The following ARHGAP31 variants were observed in gnomAD, a reference collection of about 807,000 sequenced individuals.
ARHGAP31 encodes the protein rho GTPase-activating protein 31.
Under a neutral mutation model 113.9 loss-of-function variants are expected in ARHGAP31, and 34 were observed. That is an observed-to-expected ratio of 0.30 (90% confidence interval 0.23 to 0.40). The LOEUF is 0.40. Ranked by LOEUF, ARHGAP31 falls within the 10% of genes least tolerant of loss-of-function variation. ARHGAP31 has a pLI of 1.00. For missense variants in ARHGAP31, 1,548 were observed against 1,767.1 expected, an observed-to-expected ratio of 0.88 and a Z score of 2.22; for synonymous variants, 650 against 684.8, an observed-to-expected ratio of 0.95 and a Z score of 0.79.
At chr3:119,327,863 C>G (rs1356982206) in intron 1 of ARHGAP31, among the ~76,000 whole-genome samples, 5 of 152,190 alleles carry the variant, frequency 3.3e-5, no homozygotes, top group Non-Finnish European at 4.4e-5. Context: ...ATGCATATTA[C>G]TTTTGGTGTT....
Position 119,381,911 on chromosome 3 carries a change from G to A in ARHGAP31, c.432-381G>A, listed in dbSNP as rs73624159. On this transcript the variant is annotated intron_variant, in intron 4 of 11. Transcript: ENST00000264245. ...TGAGGCCAGAGAATGGCGTGAACCCGGGAGGCGGAGCTTGCAGTGAGCTGA... is the reference window on the plus strand; with the variant it reads ...TGAGGCCAGAGAATGGCGTGAACCCAGGAGGCGGAGCTTGCAGTGAGCTGA... Among the ~76,000 whole-genome samples the A allele has an allele frequency of 2.1e-3, 320 of 151,676 alleles. 3 individuals carry two copies. The highest frequency in any genetic ancestry group is 6.8e-3 in the Middle Eastern group (2 of 294).
Position 119,409,512 on chromosome 3 carries a change from G to A in ARHGAP31, c.1662G>A (p.Lys554=). The change falls in exon 11 of 12, where the codon AAG becomes AAA. Residue 554 remains lysine, a synonymous_variant. Transcript: ENST00000264245. ...AETSAASVPK[K]AGLEDAKAVP... ...TCACTGCAGCTTCTGTACCTAAGAAGGCAGGTCTTGAGGATGCCAAGGCAG... is the reference window on the plus strand; with the variant it reads ...TCACTGCAGCTTCTGTACCTAAGAAAGCAGGTCTTGAGGATGCCAAGGCAG... 1.2e-6 allele frequency: 2 copies of A among 1,614,212 alleles called. No individual in the cohort carries two copies. The highest frequency in any genetic ancestry group is 1.7e-6 in the Non-Finnish European group (2 of 1,180,046).
At chr3:119,413,705 C>A in intron 11 of ARHGAP31, 151 bp from the exon 12 acceptor site, 1 of 1,051,498 alleles carries the variant, frequency 9.5e-7, no homozygotes, top group South Asian at 1.4e-5. Context: ...GGTGAGCACT[C>A]AAATAGCCAC....
intron 1 of ARHGAP31, among the ~76,000 whole-genome samples, chr3:119,361,374 C>CT (rs555396093): frequency 0.17 from 22,372 of 132,316 alleles, 2,135 homozygotes; most frequent in African/African-American, 0.25. Flanking sequence ...TTCAACATTC[C>CT]TTTTTTTTTT....
intron 6 of ARHGAP31, among the ~76,000 whole-genome samples, chr3:119,388,789 A>G (rs2080477303): frequency 6.6e-6 from 1 of 152,182 alleles, no homozygotes; most frequent in South Asian, 2.1e-4. Flanking sequence ...GACACAAAGA[A>G]GATGAGAGGA....
chr3:119,296,241 G>A (rs1311230846), intron 1 of ARHGAP31, among the ~76,000 whole-genome samples: 1 of 152,220 alleles, frequency 6.6e-6, no homozygotes, highest in African/African-American at 2.4e-5. Context: ...AGTTCAGTCT[G>A]CTGTGTCATT....
rs750904901 is a variant in ARHGAP31, at chr3:119,409,788, T to G, written c.1926+12T>G. ...TTCTCCATGAGATGGTAAAGTGCAT[T>G]CTCCACCTGCTCCAGCCAGGTGGAG... On this transcript the variant is annotated intron_variant, in intron 11 of 11. Coordinates refer to ENST00000264245, the MANE Select transcript of ARHGAP31 (RefSeq NM_020754.4). 1.9e-6 allele frequency: 3 copies of G among 1,588,688 alleles called. No individual in the cohort carries two copies. The highest frequency in any genetic ancestry group is 1.3e-5 in the African/African-American group (1 of 74,356).
intron 3 of ARHGAP31, among the ~76,000 whole-genome samples, chr3:119,373,845 A>G (rs924162654): frequency 1.3e-5 from 2 of 152,228 alleles, no homozygotes; most frequent in Non-Finnish European, 2.9e-5. Flanking sequence ...TACTATCAAG[A>G]ATACTCAAAT....
chr3:119,372,432 C>T (rs919578708), intron 3 of ARHGAP31, among the ~76,000 whole-genome samples: 6 of 151,884 alleles, frequency 4.0e-5, no homozygotes, highest in African/African-American at 1.5e-4. Flanking sequence ...TACAGGCGCT[C>T]GCCACCACGC....
In ARHGAP31 at chr3:119,408,795, G is replaced by A. The variant is rs115698847; in HGVS notation, c.1646-701G>A. On this transcript the variant is annotated intron_variant, in intron 10 of 11. Coordinates refer to ENST00000264245, the MANE Select transcript of ARHGAP31 (RefSeq NM_020754.4). ...CTTTCCTTCATGCAAAGCAATAGAG[G>A]CCAAACTTGAGATCTGCCTGCTTCT... Among the ~76,000 whole-genome samples, 472 of 152,256 alleles carry A rather than the reference G, an allele frequency of 3.1e-3. 2 individuals carry two copies. Among genetic ancestry groups the A allele is most frequent in the African/African-American group, 0.01 (430 of 41,530 alleles).
Position 119,400,453 on chromosome 3 carries a change from C to CAA in ARHGAP31, c.1069+1201_1069+1202dup, listed in dbSNP as rs199549303. ...TGCGCCACTGCACTCCAGCCTGTCT[C>CAA]AAAAAAAAAATAATAATAATTCTAA... On this transcript the variant is annotated intron_variant, in intron 9 of 11. Coordinates refer to ENST00000264245, the MANE Select transcript of ARHGAP31 (RefSeq NM_020754.4). Among the ~76,000 whole-genome samples, 396 of 147,668 alleles carry CAA rather than the reference C, an allele frequency of 2.7e-3. 1 individual carries two copies. The highest frequency in any genetic ancestry group is 9.7e-3 in the African/African-American group (387 of 40,074).
At chr3:119,318,658 T>A (rs2079755270) in intron 1 of ARHGAP31, among the ~76,000 whole-genome samples, 1 of 152,220 alleles carries the variant, frequency 6.6e-6, no homozygotes, top group Non-Finnish European at 1.5e-5. Context: ...ACTTACTTAC[T>A]TTACCTAGAC....
At chr3:119,300,974 A>AG (rs1431598890) in intron 1 of ARHGAP31, among the ~76,000 whole-genome samples, 6 of 152,146 alleles carry the variant, frequency 3.9e-5, no homozygotes, top group African/African-American at 1.4e-4. Flanking sequence ...TTAAGTTTAG[A>AG]GGGGCATCTC....
At chr3:119,299,941 C>CA (rs2079565914) in intron 1 of ARHGAP31, among the ~76,000 whole-genome samples, 1 of 152,214 alleles carries the variant, frequency 6.6e-6, no homozygotes, top group Admixed American at 6.5e-5. Context: ...TCCTTTCCAG[C>CA]AGCTTGCCTG....
rs373642243 is a variant in ARHGAP31 at position 119,415,467 on chromosome 3, C to T, written c.3538C>T (p.Pro1180Ser). 6.8e-6 allele frequency: 11 copies of T among 1,613,976 alleles called. No homozygotes were observed. Among genetic ancestry groups the T allele is most frequent in the Non-Finnish European group, 6.8e-6 (8 of 1,180,032 alleles). ...ACTGACAGGCCGCCGTAACTCAGCT[C>T]CTGTGAGTGTGTCAGCTGTGAGAAC... ...HALTGRRNSA[P>S]VSVSAVRTSF... The change falls in exon 12 of 12, where the codon CCT (proline) becomes TCT (serine). Residue 1180 changes from proline to serine, a missense_variant. Coordinates refer to ENST00000264245, the MANE Select transcript of ARHGAP31 (RefSeq NM_020754.4).
chr3:119,384,463 A>AT (rs1312211528), intron 6 of ARHGAP31, among the ~76,000 whole-genome samples: 1 of 152,186 alleles, frequency 6.6e-6, no homozygotes, highest in African/African-American at 2.4e-5. Context: ...ATGAAAGGGA[A>AT]TTTATTTCTC....
chr3:119,347,701 G>A (rs761950308), intron 1 of ARHGAP31, among the ~76,000 whole-genome samples: 7 of 152,120 alleles, frequency 4.6e-5, no homozygotes, highest in Non-Finnish European at 8.8e-5. Context: ...ATATATCTCT[G>A]ACACCTTCTG....
chr3:119,374,655 G>T (rs1198176205), intron 3 of ARHGAP31, among the ~76,000 whole-genome samples: 1 of 152,064 alleles, frequency 6.6e-6, no homozygotes, highest in Non-Finnish European at 1.5e-5. Context: ...GTGTGTGGCG[G>T]TTCCCCCTTA....
Position 119,416,546 on chromosome 3 carries a change from C to G in ARHGAP31, c.*282C>G, listed in dbSNP as rs2107648366. 2.2e-6 allele frequency: 1 copy of G among 460,724 alleles called. No homozygotes were observed. The highest frequency in any genetic ancestry group is 2.0e-5 in the African/African-American group (1 of 50,610). 28.5% of individuals were successfully genotyped at this position (460,724 alleles called of 1,614,324 possible). On this transcript the variant is annotated 3_prime_UTR_variant, in exon 12 of 12. Transcript: ENST00000264245. ...TGCTTGCCTCCAATGAACTTTGGAG[C>G]TTGTATGTGAGTCAGATTGCTCCCC...
Sources: allele counts gnomAD v4.1 joint callset (sites outside exome capture counted in the v4.1 genomes callset), GRCh38; gene constraint gnomAD v4.1.1; transcripts MANE v1.5; gene names NCBI Gene and HGNC (gene_info 2026-07-23, HGNC 2026-07-21).